The following DNAJA3 variants were observed in gnomAD, a reference collection of about 807,000 sequenced individuals.
DNAJA3 encodes dnaJ homolog subfamily A member 3, mitochondrial.
DNAJA3 carries 29 observed loss-of-function variants against 54.9 expected under a neutral mutation model. The ratio of observed to expected loss-of-function variants is 0.53; its 90% CI spans 0.39 to 0.72. The LOEUF (loss-of-function observed/expected upper bound fraction) is 0.72. Ranked by LOEUF, DNAJA3 falls within the 30% of genes least tolerant of loss-of-function variation. The pLI is 0.00. For synonymous variants in DNAJA3, 302 were observed against 251.4 expected, an observed-to-expected ratio of 1.20 and a Z score of -1.90; for missense variants, 708 against 639.4, an observed-to-expected ratio of 1.11 and a Z score of -1.16.
At chr16:4,428,012 C>T (rs1223844581) in intron 1 of DNAJA3, among the ~76,000 whole-genome samples, 1 of 151,268 alleles carries the variant, frequency 6.6e-6, no homozygotes, top group Non-Finnish European at 1.5e-5. Flanking sequence ...AGTGCAGTGG[C>T]GCTATCTCAG....
rs1567332102 is a variant in DNAJA3 at position 4,446,890 on chromosome 16, A to G, written c.1001A>G (p.Gln334Arg). The G allele has an allele frequency of 6.2e-7, 1 of 1,614,038 alleles. No individual in the cohort carries two copies. The highest frequency in any genetic ancestry group is 1.3e-5 in the African/African-American group (1 of 75,034). ...ATCTGTCATGTTTGGCCTTAGGTGC[A>G]GAAAAGCCCTGTGTTCCGGAGGGAC... ...KREIFITFRV[Q>R]KSPVFRRDGA... Residue 334 changes from glutamine to arginine, a missense_variant, in exon 8 of 12, where the codon CAG (glutamine) becomes CGG (arginine). Gln to Arg is a conservative substitution (Grantham distance 43). Transcript: ENST00000262375.
At chr16:4,454,507 C>T (rs938179685) in intron 10 of DNAJA3, among the ~76,000 whole-genome samples, 1 of 152,164 alleles carries the variant, frequency 6.6e-6, no homozygotes, top group Non-Finnish European at 1.5e-5. Context: ...GTGTTTTTGT[C>T]ACTGTTGCTC....
Position 4,440,298 on chromosome 16 carries a change from T to TA in DNAJA3, c.430-1076dup, listed in dbSNP as rs1485081921. 6 of 151,916 alleles carry TA rather than the reference T, an allele frequency of 3.9e-5. No individual in the cohort carries two copies. In the East Asian group the frequency reaches 1.2e-3, roughly 29 times the overall value. The allele number at this position is 151,916 out of a possible 1,614,324, so 9.4% of individuals were successfully genotyped here. On this transcript the variant is annotated intron_variant, in intron 3 of 11. Coordinates refer to ENST00000262375, the MANE Select transcript of DNAJA3 (RefSeq NM_005147.6). ...GTAAGACAAACACATAAAAAAAAGA[T>TA]ACAAAGTGAGGGCCAGGCACGGTGG...
intron 2 of DNAJA3, among the ~76,000 whole-genome samples, chr16:4,436,540 A>T (rs1042616454): frequency 7.0e-4 from 106 of 152,100 alleles, no homozygotes; most frequent in Middle Eastern, 3.4e-3. Context: ...CTTTTTAAAA[A>T]TTTTTTCTTT....
At chr16:4,442,018 C>G (rs538162729) in intron 4 of DNAJA3, among the ~76,000 whole-genome samples, 15 of 152,260 alleles carry the variant, frequency 9.9e-5, no homozygotes, top group South Asian at 4.1e-4. Context: ...GAGTATTTAT[C>G]TGTGAACATT....
chr16:4,426,158 G>A, intron 1 of DNAJA3, 66 bp downstream of exon 1: 1 of 1,436,308 alleles, frequency 7.0e-7, no homozygotes, highest in South Asian at 1.5e-5. Flanking sequence ...TCTCCTCGCT[G>A]TGACTACGGC....
intron 1 of DNAJA3, among the ~76,000 whole-genome samples, chr16:4,427,955 A>G (rs1021108668): frequency 1.7e-4 from 25 of 145,300 alleles, no homozygotes; most frequent in Non-Finnish European, 3.0e-5. Context: ...AACAGAATGA[A>G]TTTTTTTTTT....
At chr16:4,436,512 A>C (rs1217447021) in intron 2 of DNAJA3, among the ~76,000 whole-genome samples, 1 of 152,198 alleles carries the variant, frequency 6.6e-6, no homozygotes, top group Non-Finnish European at 1.5e-5. Context: ...ACGTCTATTT[A>C]TTCAGTCATT....
At chr16:4,453,652 G>A (rs763068730) in intron 10 of DNAJA3, among the ~76,000 whole-genome samples, 1 of 151,972 alleles carries the variant, frequency 6.6e-6, no homozygotes, top group South Asian at 2.1e-4. Context: ...GGCCGGTCTC[G>A]AACTCCTGAG....
intron 1 of DNAJA3, among the ~76,000 whole-genome samples, chr16:4,428,299 G>A (rs770880839): frequency 7.2e-5 from 11 of 152,058 alleles, no homozygotes; most frequent in Non-Finnish European, 1.5e-4. Flanking sequence ...AGGCCAAATT[G>A]CAGTGATGTG....
Position 4,442,392 on chromosome 16 carries a change from A to C in DNAJA3, c.755A>C (p.His252Pro). The change falls in exon 5 of 12, where the codon CAT (histidine) becomes CCT (proline). Residue 252 changes from histidine to proline, a missense_variant. By Grantham distance (77) the His-to-Pro change is moderately conservative. Transcript: ENST00000262375. ...AACGAGCCCGGCACCAAGGTGCAGC[A>C]TTGCCACTACTGTGGCGGCTCCGGC... ...KGNEPGTKVQHCHYCGGSGME... is the reference protein window; with the variant it reads ...KGNEPGTKVQPCHYCGGSGME... 6.2e-7 allele frequency: 1 copy of C among 1,608,098 alleles called. No homozygotes were observed. The highest frequency in any genetic ancestry group is 1.1e-5 in the South Asian group (1 of 89,518).
chr16:4,426,681 GTAA>G (rs1374242680), intron 1 of DNAJA3, among the ~76,000 whole-genome samples: 6 of 152,218 alleles, frequency 3.9e-5, no homozygotes, highest in Non-Finnish European at 8.8e-5. Context: ...GTTGGTGATT[GTAA>G]TAATAACACA....
chr16:4,453,877 G>A (rs750739366), intron 10 of DNAJA3, among the ~76,000 whole-genome samples: 2 of 152,320 alleles, frequency 1.3e-5, no homozygotes, highest in Non-Finnish European at 2.9e-5. Flanking sequence ...TATGCACTGT[G>A]CGTGGCCTAG....
Position 4,455,638 on chromosome 16 carries a change from T to C in DNAJA3, c.*106T>C, listed in dbSNP as rs2057027633. On this transcript the variant is annotated 3_prime_UTR_variant, in exon 12 of 12. Coordinates refer to ENST00000262375, the MANE Select transcript of DNAJA3 (RefSeq NM_005147.6). ...CGGGAGGATTCCAGAACAGCAGCACTGAGCTCCCACCCGCAGAGCCTCTGG... is the reference window on the plus strand; with the variant it reads ...CGGGAGGATTCCAGAACAGCAGCACCGAGCTCCCACCCGCAGAGCCTCTGG... 1.3e-6 allele frequency: 2 copies of C among 1,527,084 alleles called. No individual in the cohort carries two copies. Among genetic ancestry groups the C allele is most frequent in the Middle Eastern group, 1.7e-4 (1 of 5,928 alleles). 94.6% of individuals were successfully genotyped at this position (1,527,084 alleles called of 1,614,324 possible). A position where few individuals can be genotyped will look rare whatever the true frequency, so the allele number is the denominator to read the frequency against.
At chr16:4,445,428 T>C (rs899308872) in intron 7 of DNAJA3, among the ~76,000 whole-genome samples, 8 of 152,254 alleles carry the variant, frequency 5.3e-5, no homozygotes, top group Non-Finnish European at 5.9e-5. Flanking sequence ...GATGGCATTA[T>C]GTATTATTTA....
At chr16:4,427,887 C>A (rs888954278) in intron 1 of DNAJA3, among the ~76,000 whole-genome samples, 12 of 152,066 alleles carry the variant, frequency 7.9e-5, no homozygotes, top group Middle Eastern at 3.2e-3. Flanking sequence ...TAAAGTGATT[C>A]CCTTGCTTCA....
chr16:4,428,619 G>C (rs939312213), intron 1 of DNAJA3, among the ~76,000 whole-genome samples: 5 of 152,234 alleles, frequency 3.3e-5, no homozygotes, highest in African/African-American at 1.2e-4. Context: ...CTGTGACTAA[G>C]GAACTGCGGT....
At chr16:4,437,874 G>A (rs986127074) in intron 3 of DNAJA3, among the ~76,000 whole-genome samples, 7 of 151,614 alleles carry the variant, frequency 4.6e-5, no homozygotes, top group African/African-American at 1.2e-4. Flanking sequence ...CATCACTTGA[G>A]GGGCTCAAAG....
Position 4,434,416 on chromosome 16 carries a change from T to A in DNAJA3, c.244T>A (p.Ser82Thr). 6.2e-7 allele frequency: 1 copy of A among 1,613,678 alleles called. No homozygotes were observed. Among genetic ancestry groups the A allele is most frequent in the Non-Finnish European group, 8.5e-7 (1 of 1,179,960 alleles). The change falls in exon 2 of 12, where the codon TCC becomes ACC. Residue 82 changes from serine (S) to threonine (T), a missense_variant. Transcript: ENST00000262375. ...ACATAACCCTTTCATTTGTACTGCC[T>A]CCTTCCACACGAGTGCCCCTTTGGC... ...TKHNPFICTASFHTSAPLAKE... is the reference protein window; with the variant it reads ...TKHNPFICTATFHTSAPLAKE...
Sources: allele counts gnomAD v4.1 joint callset (sites outside exome capture counted in the v4.1 genomes callset), GRCh38; gene constraint gnomAD v4.1.1; transcripts MANE v1.5; gene names NCBI Gene and HGNC (gene_info 2026-07-23, HGNC 2026-07-21).